The following ANGPT1 variants were observed in gnomAD, a reference collection of about 807,000 sequenced individuals.
ANGPT1 encodes angiopoietin-1.
In ANGPT1, 17 loss-of-function variants were observed where a neutral mutation model predicts 62.2. The ratio of observed to expected loss-of-function variants is 0.27; its 90% CI spans 0.19 to 0.41. The LOEUF (loss-of-function observed/expected upper bound fraction) is 0.41. Among genes scored for constraint, ANGPT1 ranks in the 10% least tolerant of loss-of-function variants. The probability of loss-of-function intolerance (pLI) is 1.00; values close to 1 mark genes in which losing one functional copy is unlikely to be tolerated. For missense variants in ANGPT1, 478 were observed against 594.9 expected (o/e 0.80, Z 2.04); for synonymous variants, 199 against 198.9 (o/e 1.00, Z 0.00).
intron 5 of ANGPT1, among the ~76,000 whole-genome samples, chr8:107,301,650 C>G (rs72672515): frequency 0.013 from 1,987 of 152,030 alleles, 17 homozygotes; most frequent in Non-Finnish European, 0.022. Context: ...CCACACTTCT[C>G]TGGTAGATGG....
chr8:107,330,695 CAT>C (rs1417536010), intron 3 of ANGPT1, among the ~76,000 whole-genome samples: 1 of 151,990 alleles, frequency 6.6e-6, no homozygotes, highest in East Asian at 1.9e-4. Context: ...TGACCTAAGA[CAT>C]AGTCAGTGGG....
chr8:107,474,320 C>A lies in ANGPT1; in HGVS notation c.297+22942G>T, dbSNP rs182136644. On this transcript the variant is annotated intron_variant, in intron 1 of 8. Coordinates refer to ENST00000517746, the MANE Select transcript of ANGPT1 (RefSeq NM_001146.5). ...AATGTAATCCAGCATATAAACAGAA[C>A]CAAAGACAAAAACCACATGATTACC... Among the ~76,000 whole-genome samples the A allele has an allele frequency of 1.6e-4, 25 of 152,176 alleles. 1 individual carries two copies. The highest frequency in any genetic ancestry group is 6.0e-4 in the African/African-American group (25 of 41,534).
At chr8:107,444,986 G>T (rs1193336656) in intron 1 of ANGPT1, among the ~76,000 whole-genome samples, 2 of 152,136 alleles carry the variant, frequency 1.3e-5, no homozygotes, top group South Asian at 2.1e-4. Flanking sequence ...CCCTGCAGGG[G>T]TATTTCTGTC....
intron 7 of ANGPT1, among the ~76,000 whole-genome samples, chr8:107,265,824 A>T (rs1813600746): frequency 6.6e-6 from 1 of 152,128 alleles, no homozygotes; most frequent in South Asian, 2.1e-4. Context: ...TAATATTTGG[A>T]GATATATTTT....
chr8:107,354,827 C>A (rs1426443488), intron 1 of ANGPT1, among the ~76,000 whole-genome samples: 1 of 152,092 alleles, frequency 6.6e-6, no homozygotes, highest in Non-Finnish European at 1.5e-5. Flanking sequence ...GGCACCATTA[C>A]CACCTATCTG....
intron 1 of ANGPT1, among the ~76,000 whole-genome samples, chr8:107,385,539 A>T (rs1165290818): frequency 6.6e-6 from 1 of 152,098 alleles, no homozygotes; most frequent in Non-Finnish European, 1.5e-5. Context: ...GGCAGAGATT[A>T]TGGGGTTTTC....
chr8:107,321,207 A>AATAC (rs1815141905), intron 4 of ANGPT1, among the ~76,000 whole-genome samples: 1 of 152,028 alleles, frequency 6.6e-6, no homozygotes, highest in Non-Finnish European at 1.5e-5. Flanking sequence ...CTTCTAAAGA[A>AATAC]ATACAGGGTT....
chr8:107,452,851 GT>G (rs1443803764), intron 1 of ANGPT1, among the ~76,000 whole-genome samples: 1 of 151,880 alleles, frequency 6.6e-6, no homozygotes, highest in Non-Finnish European at 1.5e-5. Flanking sequence ...ATAAATGCTT[GT>G]TTTTTGCTTA....
Position 107,293,951 on chromosome 8 carries a change from C to A in ANGPT1, c.1023G>T (p.Trp341Cys). Residue 341 changes from tryptophan to cysteine, a missense_variant, in exon 6 of 9, where the codon TGG becomes TGT. Transcript: ENST00000517746. ...TGCATCTTACCATTTTATATTCCTT[C>A]CAGCCTCTTTGGAAATCTAGACTTC... ...EDGSLDFQRG[W>C]KEYKMGFGNP... is the part of the protein sequence containing the mutation. The A allele has an allele frequency of 6.2e-7, 1 of 1,613,050 alleles. No homozygotes were observed. The highest frequency in any genetic ancestry group is 1.7e-4 in the Middle Eastern group (1 of 6,056).
Position 107,411,691 on chromosome 8 carries a change from C to T in ANGPT1, c.298-64594G>A, listed in dbSNP as rs533373943. On this transcript the variant is annotated intron_variant, in intron 1 of 8. Transcript: ENST00000517746. ...AGTTTACATAGAATGCTTTTAATGG[C>T]TATTTAAAAATAATCTAGCTCAAAC... 2.0e-5 allele frequency among the ~76,000 whole-genome samples: 3 copies of T among 152,248 alleles called. No homozygotes were observed. The South Asian group carries it at 6.2e-4, about 32-fold the overall frequency.
chr8:107,304,732 T>C (rs1814674580), intron 4 of ANGPT1, among the ~76,000 whole-genome samples: 1 of 151,934 alleles, frequency 6.6e-6, no homozygotes, highest in Admixed American at 6.6e-5. Flanking sequence ...GAAATATTTA[T>C]GTCAGATATG....
chr8:107,313,220 TATTC>T (rs1266719993), intron 4 of ANGPT1, among the ~76,000 whole-genome samples: 7 of 152,106 alleles, frequency 4.6e-5, no homozygotes, highest in Non-Finnish European at 7.3e-5. Context: ...TAATCTGACT[TATTC>T]ATAAATCCAT....
chr8:107,304,013 G>T (rs1050244569), intron 4 of ANGPT1, among the ~76,000 whole-genome samples: 2 of 151,836 alleles, frequency 1.3e-5, no homozygotes, highest in Admixed American at 6.6e-5. Flanking sequence ...CAATGAAAAT[G>T]AAACCAAACT....
intron 1 of ANGPT1, among the ~76,000 whole-genome samples, chr8:107,446,115 C>G (rs1811611717): frequency 6.6e-6 from 1 of 152,092 alleles, no homozygotes; most frequent in Non-Finnish European, 1.5e-5. Flanking sequence ...GACTGGGTTT[C>G]ACCATGTTAA....
chr8:107,386,224 G>T (rs1816729215), intron 1 of ANGPT1, among the ~76,000 whole-genome samples: 1 of 151,974 alleles, frequency 6.6e-6, no homozygotes, highest in African/African-American at 2.4e-5. Flanking sequence ...GGGAACAATA[G>T]ACAAGAGGGC....
intron 1 of ANGPT1, among the ~76,000 whole-genome samples, chr8:107,460,230 G>A (rs374362165): frequency 6.6e-6 from 1 of 152,274 alleles, no homozygotes; most frequent in South Asian, 2.1e-4. Context: ...AGCACATTCT[G>A]TTTTGTAGCA....
chr8:107,437,706 T>A (rs1811367487), intron 1 of ANGPT1, among the ~76,000 whole-genome samples: 1 of 152,062 alleles, frequency 6.6e-6, no homozygotes, highest in Admixed American at 6.5e-5. Context: ...GTGAGCACTT[T>A]CAGTTGACAA....
chr8:107,367,400 T>A (rs1486628204), intron 1 of ANGPT1, among the ~76,000 whole-genome samples: 1 of 152,212 alleles, frequency 6.6e-6, no homozygotes, highest in Non-Finnish European at 1.5e-5. Flanking sequence ...GAGGGTTTTG[T>A]CTTGATGTTG....
intron 1 of ANGPT1, among the ~76,000 whole-genome samples, chr8:107,412,307 CA>C (rs945894767): frequency 1.1e-4 from 16 of 152,096 alleles, no homozygotes; most frequent in Non-Finnish European, 1.9e-4. Context: ...TTGAACCAAT[CA>C]AGTCCCTGGC....
Sources: allele counts gnomAD v4.1 joint callset (sites outside exome capture counted in the v4.1 genomes callset), GRCh38; gene constraint gnomAD v4.1.1; transcripts MANE v1.5; gene names NCBI Gene and HGNC (gene_info 2026-07-23, HGNC 2026-07-21).